NAV3: variants seen among roughly 807,000 people sequenced by gnomAD.
The protein encoded by NAV3 is pore membrane and/or filament interacting like protein 1.
A neutral mutation model predicts 244.7 loss-of-function variants in NAV3; 87 were observed. That is an observed-to-expected ratio of 0.36 (90% CI 0.30 to 0.42). NAV3 has a LOEUF of 0.42. Ranked by LOEUF, NAV3 falls within the 20% of genes least tolerant of loss-of-function variation. NAV3 has a pLI of 1.00. For missense variants in NAV3, 2,663 were observed against 2,893.3 expected (o/e 0.92, Z 1.83); for synonymous variants, 1,126 against 1,042.2 (o/e 1.08, Z -1.55).
intron 1 of NAV3, among the ~76,000 whole-genome samples, chr12:77,879,872 C>T (rs2136589525): frequency 6.6e-6 from 1 of 152,202 alleles, no homozygotes; most frequent in African/African-American, 2.4e-5. Context: ...TTGTAGTACA[C>T]AGCAGGTGAT....
intron 2 of NAV3, among the ~76,000 whole-genome samples, chr12:77,606,793 G>A (rs996345304): frequency 2.4e-4 from 36 of 152,130 alleles, no homozygotes; most frequent in Admixed American, 1.1e-3. Flanking sequence ...TCCCTTAAGG[G>A]AGCAAAATGG....
intron 2 of NAV3, among the ~76,000 whole-genome samples, chr12:77,741,163 AAAAG>A (rs1331497303): frequency 7.4e-5 from 11 of 149,038 alleles, no homozygotes; most frequent in Non-Finnish European, 1.2e-4. Context: ...AAAAAAAAAA[AAAAG>A]AAAAGAAAGA....
At position 78,055,696 on chromosome 12, in the gene NAV3, T is replaced by C. The variant is rs1883395179; in HGVS notation, c.2517-3300T>C. Reference sequence around the variant, plus strand: ...TGGCAAAAGAGGGGAAGACCCAGGGTGTGAGAAGATTTTGTATGTATCAGG... The same window carrying C: ...TGGCAAAAGAGGGGAAGACCCAGGGCGTGAGAAGATTTTGTATGTATCAGG... On this transcript the variant is annotated intron_variant, in intron 11 of 39. Transcript: ENST00000397909. 2.0e-5 allele frequency among the ~76,000 whole-genome samples: 3 copies of C among 152,234 alleles called. No individual in the cohort carries two copies. The South Asian group carries it at 6.2e-4, about 32-fold the overall frequency.
chr12:77,659,690 G>C (rs1422467870), intron 2 of NAV3, among the ~76,000 whole-genome samples: 2 of 152,128 alleles, frequency 1.3e-5, no homozygotes, highest in Non-Finnish European at 2.9e-5. Flanking sequence ...ATTCACAATA[G>C]CAAAGACTTG....
In NAV3 at chr12:78,205,133, C is replaced by T; in HGVS notation, c.7033C>T (p.Pro2345Ser). Reference protein sequence around the residue: ...HIPQTDTEGDPLMNMLMKLQE... With the variant: ...HIPQTDTEGDSLMNMLMKLQE... ...TCCGCAAACTGACACAGAAGGAGAT[C>T]CCCTGGTAAGAATCAGATGTTCATT... is the stretch of plus-strand genomic sequence containing the variant. Residue 2345 changes from proline (P) to serine (S), a missense_variant, in exon 39 of 40, where the codon CCC (proline) becomes TCC (serine). Physicochemically the swap from Pro to Ser is moderately conservative, Grantham distance 74. Coordinates refer to ENST00000397909, the MANE Select transcript of NAV3 (RefSeq NM_001024383.2). 1 of 1,612,722 alleles carries T rather than the reference C, an allele frequency of 6.2e-7. No individual in the cohort carries two copies.
intron 2 of NAV3, among the ~76,000 whole-genome samples, chr12:77,688,735 A>G (rs952850935): frequency 4.0e-5 from 6 of 151,882 alleles, no homozygotes; most frequent in Admixed American, 3.3e-4. Flanking sequence ...GTTAGATTGT[A>G]GAGTATCTTA....
intron 9 of NAV3, among the ~76,000 whole-genome samples, chr12:78,046,294 C>A (rs2137159224): frequency 6.6e-6 from 1 of 152,178 alleles, no homozygotes; most frequent in Admixed American, 6.5e-5. Flanking sequence ...TTTGCTCTTG[C>A]TTCTCTAGTT....
intron 1 of NAV3, among the ~76,000 whole-genome samples, chr12:77,925,163 T>G (rs1888072790): frequency 6.6e-6 from 1 of 152,098 alleles, no homozygotes; most frequent in Non-Finnish European, 1.5e-5. Flanking sequence ...CTAGTGAGAA[T>G]TTTTACTTTT....
intron 3 of NAV3, among the ~76,000 whole-genome samples, chr12:77,947,002 T>C (rs1304512277): frequency 2.0e-5 from 3 of 152,138 alleles, no homozygotes; most frequent in African/African-American, 4.8e-5. Flanking sequence ...GTCCTTCCTC[T>C]TTCTTGGCTC....
At chr12:77,722,293 C>T (rs1478189462) in intron 2 of NAV3, among the ~76,000 whole-genome samples, 1 of 151,938 alleles carries the variant, frequency 6.6e-6, no homozygotes, top group Non-Finnish European at 1.5e-5. Flanking sequence ...TATAATCATC[C>T]TTTTTTCAGG....
chr12:77,772,688 T>C (rs963460341), intron 2 of NAV3, among the ~76,000 whole-genome samples: 1 of 152,184 alleles, frequency 6.6e-6, no homozygotes, highest in Admixed American at 6.5e-5. Flanking sequence ...TTTCTGTGGG[T>C]AAACTCATGG....
chr12:77,987,527 G>A (rs1028819356), intron 5 of NAV3, among the ~76,000 whole-genome samples: 6 of 151,960 alleles, frequency 3.9e-5, no homozygotes, highest in African/African-American at 1.5e-4. Context: ...TCTATTCTTG[G>A]AACAATTTCC....
intron 23 of NAV3, among the ~76,000 whole-genome samples, chr12:78,162,885 A>ATATATATAAATATATATAT (rs1439366285): frequency 6.3e-5 from 8 of 127,256 alleles, no homozygotes; most frequent in African/African-American, 2.3e-4. Context: ...TATATATAAT[A>ATATATATAAATATATATAT]TATATAATAT....
At chr12:77,948,656 C>T (rs1890587043) in intron 3 of NAV3, among the ~76,000 whole-genome samples, 1 of 149,172 alleles carries the variant, frequency 6.7e-6, no homozygotes, top group African/African-American at 2.5e-5. Context: ...TTTTAAGGAA[C>T]TTATTGCTCC....
intron 3 of NAV3, among the ~76,000 whole-genome samples, chr12:77,946,256 TGTGC>T (rs751605623): frequency 0.018 from 2,043 of 115,370 alleles, 25 homozygotes; most frequent in South Asian, 0.066. Flanking sequence ...TGTGTGTGTG[TGTGC>T]GCGTGCACCT....
At chr12:78,090,445 T>G (rs543653443) in intron 12 of NAV3, among the ~76,000 whole-genome samples, 2 of 152,142 alleles carry the variant, frequency 1.3e-5, no homozygotes, top group African/African-American at 4.8e-5. Flanking sequence ...ATTAACCATA[T>G]TGCCTGAAGA....
chr12:77,671,545 G>A (rs1873974223), intron 2 of NAV3, among the ~76,000 whole-genome samples: 1 of 152,122 alleles, frequency 6.6e-6, no homozygotes, highest in Admixed American at 6.6e-5. Flanking sequence ...AAAACAGCAT[G>A]ATACTGGTAT....
chr12:77,672,206 C>T (rs565630567), intron 2 of NAV3, among the ~76,000 whole-genome samples: 4 of 151,750 alleles, frequency 2.6e-5, no homozygotes, highest in African/African-American at 4.8e-5. Flanking sequence ...CACACTGCGG[C>T]CTGCAAGCAT....
intron 2 of NAV3, among the ~76,000 whole-genome samples, chr12:77,760,167 T>C (rs960108522): frequency 1.3e-5 from 2 of 152,248 alleles, no homozygotes; most frequent in Non-Finnish European, 2.9e-5. Context: ...AATATCCATG[T>C]GTATAAAGCA....
Sources: allele counts gnomAD v4.1 joint callset (sites outside exome capture counted in the v4.1 genomes callset), GRCh38; gene constraint gnomAD v4.1.1; transcripts MANE v1.5; gene names NCBI Gene and HGNC (gene_info 2026-07-23, HGNC 2026-07-21).